The following THRAP3 variants were observed in gnomAD, a reference collection of about 807,000 sequenced individuals.
THRAP3 encodes the protein thyroid hormone receptor associated protein 3.
A neutral mutation model predicts 101.0 loss-of-function variants in THRAP3; 16 were observed. That is an observed-to-expected ratio of 0.16 (90% confidence interval 0.11 to 0.24). THRAP3 has a LOEUF of 0.24. Among genes scored for constraint, THRAP3 ranks in the 10% least tolerant of loss-of-function variants. THRAP3 has a pLI of 1.00. For missense variants in THRAP3, 989 were observed against 1,202.7 expected, an observed-to-expected ratio of 0.82 and a Z score of 2.63; for synonymous variants, 407 against 422.6, an observed-to-expected ratio of 0.96 and a Z score of 0.45.
intron 2 of THRAP3, among the ~76,000 whole-genome samples, chr1:36,281,709 C>G (rs545481974): frequency 2.0e-5 from 3 of 152,042 alleles, no homozygotes; most frequent in Non-Finnish European, 4.4e-5. Context: ...TCAGGCCATT[C>G]CCACCTTAGC....
At chr1:36,210,885 T>C in the THRAP3 span, among the ~76,000 whole-genome samples, 1 of 147,398 alleles carries the variant, frequency 6.8e-6, no homozygotes, top group East Asian at 2.0e-4. Context: ...TTTGCTTAGT[T>C]TGAGATGTGG....
rs548159478 is a variant in THRAP3 at position 36,268,541 on chromosome 1, C to T, written c.-32+9057C>T. Among the ~76,000 whole-genome samples, 27 of 152,240 alleles carry T rather than the reference C, an allele frequency of 1.8e-4. No homozygotes were observed. The South Asian group carries it at 5.4e-3, about 30-fold the overall frequency. The stretch of plus-strand genomic sequence containing the variant: ...AAGGATAGACCCACCTTGCTGTGTC[C>T]TCCAGGCTGGAGTGCAACGACACAG... On this transcript the variant is annotated intron_variant, in intron 2 of 11. Transcript: ENST00000354618.
At chr1:36,239,882 A>G (rs1009111551) in intron 1 of THRAP3, among the ~76,000 whole-genome samples, 1 of 152,294 alleles carries the variant, frequency 6.6e-6, no homozygotes, top group African/African-American at 2.4e-5. Context: ...AAATTTTATC[A>G]TCTTAATCAT....
At chr1:36,301,735 T>C (rs1038632390) in intron 11 of THRAP3, 39 bp downstream of exon 11, 2 of 1,585,952 alleles carry the variant, frequency 1.3e-6, no homozygotes, top group Non-Finnish European at 8.6e-7. Flanking sequence ...TTAGAGGGCC[T>C]TTGACACACA....
rs555502312 is a variant in THRAP3, at chr1:36,230,930, A to T, written c.-135+6425A>T. On this transcript the variant is annotated intron_variant, in intron 1 of 11. Transcript: ENST00000354618. ...GGATCTGCTTTTCTGTTTTGCAGCA[A>T]CCATCTTTTATAGTTGGGGCATGTC... 4.6e-5 allele frequency among the ~76,000 whole-genome samples: 7 copies of T among 152,324 alleles called. 1 individual carries two copies. In the South Asian group the frequency reaches 1.4e-3, roughly 32 times the overall value.
Position 36,293,836 on chromosome 1 carries a change from T to C in THRAP3, c.2031-15T>C. 6.2e-7 allele frequency: 1 copy of C among 1,606,086 alleles called. No homozygotes were observed. The highest frequency in any genetic ancestry group is 8.5e-7 in the Non-Finnish European group (1 of 1,173,104). ...CACAATGGAATACTATATCGTTTTG[T>C]ATTTTCAATTTTAGGAGAATAGACA... On this transcript the variant is annotated splice_polypyrimidine_tract_variant and intron_variant, in intron 7 of 11. Transcript: ENST00000354618.
chr1:36,254,276 C>T (rs767949727), intron 1 of THRAP3, among the ~76,000 whole-genome samples: 38 of 152,194 alleles, frequency 2.5e-4, no homozygotes, highest in African/African-American at 8.0e-4. Context: ...TATTTTTTAC[C>T]GTCATTTGCT....
At chr1:36,271,471 C>G (rs182346332) in intron 2 of THRAP3, among the ~76,000 whole-genome samples, 12 of 151,668 alleles carry the variant, frequency 7.9e-5, no homozygotes. Flanking sequence ...TTAGTGGAGA[C>G]GGGGTTTCAC....
At chr1:36,264,476 G>A (rs1483760045) in intron 2 of THRAP3, among the ~76,000 whole-genome samples, 13 of 152,198 alleles carry the variant, frequency 8.5e-5, no homozygotes, top group Admixed American at 7.9e-4. Flanking sequence ...ACTTACTGCC[G>A]AACCTGGCCC....
intron 1 of THRAP3, among the ~76,000 whole-genome samples, chr1:36,234,331 AG>A (rs1276442855): frequency 6.6e-6 from 1 of 152,242 alleles, no homozygotes; most frequent in Non-Finnish European, 1.5e-5. Context: ...ATTTTGTGAA[AG>A]CCCTGGTGGG....
chr1:36,276,570 T>C (rs963340624), intron 2 of THRAP3, among the ~76,000 whole-genome samples: 2 of 146,338 alleles, frequency 1.4e-5, no homozygotes, highest in East Asian at 4.1e-4. Context: ...ATCAAGAAAG[T>C]GTAAAGCTGG....
chr1:36,289,306 G>C lies in THRAP3; in HGVS notation c.1287G>C (p.Glu429Asp). 1 of 1,614,152 alleles carries C rather than the reference G, an allele frequency of 6.2e-7. No individual in the cohort carries two copies. Among genetic ancestry groups the C allele is most frequent in the Non-Finnish European group, 8.5e-7 (1 of 1,180,024 alleles). ...EKKMADFHKE[E>D]MDDQDKDKAK... ...AGATGGCTGACTTCCACAAGGAGGA[G>C]ATGGATGATCAAGATAAGGACAAAG... The change falls in exon 5 of 12, where the codon GAG (glutamate) becomes GAC (aspartate). Residue 429 changes from glutamate to aspartate, a missense_variant. Coordinates refer to ENST00000354618, the MANE Select transcript of THRAP3 (RefSeq NM_005119.4).
rs767334778 is a variant in THRAP3 at position 36,286,600 on chromosome 1, C to T, written c.370C>T (p.Arg124Cys). Residue 124 changes from arginine to cysteine, a missense_variant, in exon 4 of 12, where the codon CGT (arginine) becomes TGT (cysteine). Transcript: ENST00000354618. This position sits in a 1 kb window ranked among gnomAD's most constrained non-coding sequence, Gnocchi z 5.5. Reference protein sequence around the residue: ...YRQAYSPRRGRSRSRSPKRRS... With the variant: ...YRQAYSPRRGCSRSRSPKRRS... Reference sequence around the variant, plus strand: ...GCAAGCATACAGTCCTCGTCGAGGCCGTTCAAGATCCCGGTCCCCAAAGAG... The same window carrying T: ...GCAAGCATACAGTCCTCGTCGAGGCTGTTCAAGATCCCGGTCCCCAAAGAG... 3.7e-6 allele frequency: 6 copies of T among 1,613,990 alleles called. No individual in the cohort carries two copies. Among genetic ancestry groups the T allele is most frequent in the East Asian group, 2.2e-5 (1 of 44,880 alleles).
At chr1:36,214,473 A>T in the THRAP3 span, among the ~76,000 whole-genome samples, 1 of 152,058 alleles carries the variant, frequency 6.6e-6, no homozygotes, top group Non-Finnish European at 1.5e-5. Context: ...TCTCATCTGG[A>T]ATACTGTGAT....
Position 36,291,442 on chromosome 1 carries a change from A to G in THRAP3, c.1814A>G (p.Gln605Arg), listed in dbSNP as rs757565434. The G allele has an allele frequency of 1.9e-5, 31 of 1,614,250 alleles. No individual in the cohort carries two copies. In the South Asian group the frequency reaches 3.3e-4, roughly 17 times the overall value. ...CTAGTCCATAGCAACAAAAAGGAAC[A>G]GGAGTTTCGTTCCATTTTCCAGCAC... ...RDLVHSNKKEQEFRSIFQHIQ... is the reference protein window; with the variant it reads ...RDLVHSNKKEREFRSIFQHIQ... The change falls in exon 6 of 12, where the codon CAG (glutamine) becomes CGG (arginine). Residue 605 changes from glutamine (Q) to arginine (R), a missense_variant. Physicochemically the swap from Gln to Arg is conservative, Grantham distance 43 (BLOSUM62 1). Coordinates refer to ENST00000354618, the MANE Select transcript of THRAP3 (RefSeq NM_005119.4).
intron 1 of THRAP3, among the ~76,000 whole-genome samples, chr1:36,229,468 G>A (rs115396157): frequency 0.025 from 3,503 of 139,446 alleles, 141 homozygotes; most frequent in African/African-American, 0.087. Flanking sequence ...ATGATGTGCT[G>A]TAGAAATTTT....
At chr1:36,239,746 G>C (rs554237984) in intron 1 of THRAP3, among the ~76,000 whole-genome samples, 1 of 152,190 alleles carries the variant, frequency 6.6e-6, no homozygotes, top group South Asian at 2.1e-4. Context: ...CAATTGTACA[G>C]TACAGTGAGA....
At chr1:36,285,588 A>T (rs1645785214) in intron 3 of THRAP3, among the ~76,000 whole-genome samples, 1 of 152,124 alleles carries the variant, frequency 6.6e-6, no homozygotes, top group African/African-American at 2.4e-5. Context: ...GGTGTTTTTT[A>T]GTTACTCTTT....
chr1:36,279,402 C>T (rs1197902117), intron 2 of THRAP3, among the ~76,000 whole-genome samples: 1 of 152,040 alleles, frequency 6.6e-6, no homozygotes, highest in African/African-American at 2.4e-5. Context: ...CAGAGAACCC[C>T]AAAATAATGC....
Sources: gnomAD v4.1 joint callset for allele counts (sites outside exome capture counted in the v4.1 genomes callset) on GRCh38, gnomAD v4.1.1 for gene constraint, Gnocchi (gnomAD v3.1) non-coding constraint, MANE v1.5 for transcripts, NCBI Gene and HGNC (gene_info 2026-07-23, HGNC 2026-07-21) for gene names.